The following SLC15A5 variants were observed in gnomAD, a reference collection of about 807,000 sequenced individuals.
SLC15A5 encodes solute carrier family 15 member 5.
SLC15A5 carries 58 observed loss-of-function variants against 56.1 expected under a neutral mutation model. That is an observed-to-expected ratio of 1.03 (90% CI 0.84 to 1.29). The LOEUF (loss-of-function observed/expected upper bound fraction) is 1.29, where lower values mean the gene tolerates loss of function less well. Ranked by LOEUF, SLC15A5 falls within the 50% of genes most tolerant of loss-of-function variation. The pLI is 0.00. For synonymous variants in SLC15A5, 264 were observed against 250.5 expected (o/e 1.05, Z -0.51); for missense variants, 681 against 672.1 (o/e 1.01, Z -0.15).
intron 2 of SLC15A5, among the ~76,000 whole-genome samples, chr12:16,270,439 A>C (rs979625520): frequency 6.6e-6 from 1 of 152,150 alleles, no homozygotes. Flanking sequence ...ACTGGAAGAC[A>C]TAGATTACAC....
chr12:16,189,357 C>A lies in SLC15A5; in HGVS notation c.*311G>T. On this transcript the variant is annotated 3_prime_UTR_variant, in exon 9 of 9. Coordinates refer to ENST00000344941, the MANE Select transcript of SLC15A5 (RefSeq NM_001170798.1). Reference sequence around the variant, plus strand: ...CTCCAAAAAAAAGGTCATACGCTTTCAATGGCTGAACCATTGTAGAAAGCT... The same window carrying A: ...CTCCAAAAAAAAGGTCATACGCTTTAAATGGCTGAACCATTGTAGAAAGCT... 5.5e-6 allele frequency: 1 copy of A among 182,682 alleles called. No homozygotes were observed. Among genetic ancestry groups the A allele is most frequent in the Non-Finnish European group, 1.1e-5 (1 of 88,740 alleles). The allele number at this position is 182,682 out of a possible 1,614,324, so 11.3% of individuals were successfully genotyped here. A position where few individuals can be genotyped will look rare whatever the true frequency, so the allele number is the denominator to read the frequency against.
intron 3 of SLC15A5, among the ~76,000 whole-genome samples, chr12:16,252,008 C>G (rs1417306624): frequency 3.3e-5 from 5 of 151,236 alleles, no homozygotes; most frequent in African/African-American, 9.7e-5. Flanking sequence ...AAAAATCAAT[C>G]AATGTATTAC....
At chr12:16,234,318 C>G (rs1864326716) in intron 5 of SLC15A5, among the ~76,000 whole-genome samples, 1 of 152,152 alleles carries the variant, frequency 6.6e-6, no homozygotes, top group African/African-American at 2.4e-5. Flanking sequence ...TTGGAGGGAA[C>G]AAAAACATAC....
chr12:16,241,298 A>G (rs1476217722), intron 4 of SLC15A5, among the ~76,000 whole-genome samples: 3 of 152,178 alleles, frequency 2.0e-5, no homozygotes, highest in Non-Finnish European at 2.9e-5. Flanking sequence ...TCGCTCAAAT[A>G]TCCAGATGAT....
chr12:16,197,232 T>G (rs901638933), intron 7 of SLC15A5, among the ~76,000 whole-genome samples: 1 of 152,146 alleles, frequency 6.6e-6, no homozygotes, highest in African/African-American at 2.4e-5. Flanking sequence ...GTCCCACATT[T>G]TTTCCATATT....
At chr12:16,248,276 C>T (rs1244646333) in intron 3 of SLC15A5, among the ~76,000 whole-genome samples, 1 of 151,994 alleles carries the variant, frequency 6.6e-6, no homozygotes, top group Non-Finnish European at 1.5e-5. Flanking sequence ...GTCAATATAA[C>T]ATTGAGTGGT....
At chr12:16,220,685 G>C (rs1180456987) in intron 6 of SLC15A5, among the ~76,000 whole-genome samples, 2 of 152,084 alleles carry the variant, frequency 1.3e-5, no homozygotes, top group African/African-American at 4.8e-5. Context: ...ACCATGTGTT[G>C]GATCAATAAC....
At chr12:16,252,687 G>T (rs1350377343) in intron 3 of SLC15A5, among the ~76,000 whole-genome samples, 2 of 152,054 alleles carry the variant, frequency 1.3e-5, no homozygotes, top group Non-Finnish European at 2.9e-5. Flanking sequence ...TCCTGAGCTT[G>T]TGAATTGGAA....
chr12:16,277,237 G>C (rs1864829287), intron 1 of SLC15A5, 88 bp downstream of exon 1: 1 of 1,234,444 alleles, frequency 8.1e-7, no homozygotes, highest in Non-Finnish European at 1.1e-6. Context: ...TATGCTAAGA[G>C]CAGAGTGAAA....
rs368540807 is a variant in SLC15A5 at position 16,224,371 on chromosome 12, G to A, written c.1351+43C>T. On this transcript the variant is annotated intron_variant, in intron 6 of 8. Transcript: ENST00000344941. ...GTTGAGGTGATGTGTTCTGTGTAAA[G>A]GTTCAGTATGTTCTAACATTAGTTG... The A allele has an allele frequency of 7.3e-6, 11 of 1,516,644 alleles. No homozygotes were observed. In the African/African-American group the frequency reaches 8.3e-5, roughly 11 times the overall value. 93.9% of individuals were successfully genotyped at this position (1,516,644 alleles called of 1,614,324 possible). A position where few individuals can be genotyped will look rare whatever the true frequency, so the allele number is the denominator to read the frequency against.
intron 7 of SLC15A5, among the ~76,000 whole-genome samples, chr12:16,204,480 A>T (rs10846308): frequency 1.3e-5 from 2 of 150,512 alleles, no homozygotes; most frequent in Non-Finnish European, 2.9e-5. Context: ...TGTGAAATTC[A>T]TCTAGAAGTA....
chr12:16,240,040 T>C lies in SLC15A5; in HGVS notation c.976-173A>G, dbSNP rs572622330. On this transcript the variant is annotated intron_variant, in intron 4 of 8. Coordinates refer to ENST00000344941, the MANE Select transcript of SLC15A5 (RefSeq NM_001170798.1). Reference sequence around the variant, plus strand: ...GATAAAGGGTCTTCATCTGTGGTGGTAGGAGCTCTGTCTAGTCTATTGACA... The same window carrying C: ...GATAAAGGGTCTTCATCTGTGGTGGCAGGAGCTCTGTCTAGTCTATTGACA... Among the ~76,000 whole-genome samples the C allele has an allele frequency of 4.6e-5, 7 of 152,322 alleles. No homozygotes were observed. The East Asian group carries it at 1.4e-3, about 29-fold the overall frequency.
intron 7 of SLC15A5, among the ~76,000 whole-genome samples, chr12:16,204,175 T>C (rs1017473167): frequency 5.3e-5 from 8 of 151,964 alleles, no homozygotes; most frequent in African/African-American, 1.9e-4. Context: ...AGGATTGGGG[T>C]CTGGGTGCAG....
intron 6 of SLC15A5, 23 bp downstream of exon 6, chr12:16,224,391 T>G (rs1864218015): frequency 6.5e-7 from 1 of 1,534,530 alleles, no homozygotes; most frequent in East Asian, 2.4e-5. Context: ...GTTCTAACAT[T>G]AGTTGAAAAG....
In SLC15A5 at chr12:16,188,895, A is replaced by G. The variant is rs959145030; in HGVS notation, c.*773T>C. 1.3e-5 allele frequency: 2 copies of G among 152,224 alleles called. No homozygotes were observed. The highest frequency in any genetic ancestry group is 4.8e-5 in the African/African-American group (2 of 41,464). The allele number at this position is 152,224 out of a possible 1,614,324, so 9.4% of individuals were successfully genotyped here. A position where few individuals can be genotyped will look rare whatever the true frequency, so the allele number is the denominator to read the frequency against. ...TCTTAGAAGATAATTTTCTGAATGCATCTGAATTGGCAGTGGAGACCGAAA... is the reference window on the plus strand; with the variant it reads ...TCTTAGAAGATAATTTTCTGAATGCGTCTGAATTGGCAGTGGAGACCGAAA... On this transcript the variant is annotated 3_prime_UTR_variant, in exon 9 of 9. Coordinates refer to ENST00000344941, the MANE Select transcript of SLC15A5 (RefSeq NM_001170798.1).
intron 2 of SLC15A5, among the ~76,000 whole-genome samples, chr12:16,260,504 GTTTCT>G: frequency 6.6e-6 from 1 of 150,924 alleles, no homozygotes; most frequent in Non-Finnish European, 1.5e-5. Flanking sequence ...TTATTGGGTA[GTTTCT>G]TTTCCTATCA....
intron 7 of SLC15A5, among the ~76,000 whole-genome samples, chr12:16,211,564 C>T (rs1030093254): frequency 2.0e-5 from 3 of 152,152 alleles, no homozygotes; most frequent in African/African-American, 7.2e-5. Flanking sequence ...ACTAAGATGT[C>T]ATTTTTTACT....
intron 2 of SLC15A5, among the ~76,000 whole-genome samples, chr12:16,270,780 G>T (rs1365491907): frequency 6.6e-6 from 1 of 152,100 alleles, no homozygotes; most frequent in Non-Finnish European, 1.5e-5. Flanking sequence ...CTTGTCACCA[G>T]CCCCCGCACT....
intron 3 of SLC15A5, among the ~76,000 whole-genome samples, chr12:16,252,911 T>G (rs1050933377): frequency 6.6e-6 from 1 of 152,016 alleles, no homozygotes; most frequent in Admixed American, 6.6e-5. Flanking sequence ...TAACAGCAAT[T>G]AAGAGTACAA....
Sources: gnomAD v4.1 joint callset for allele counts (sites outside exome capture counted in the v4.1 genomes callset) on GRCh38, gnomAD v4.1.1 for gene constraint, MANE v1.5 for transcripts, NCBI Gene and HGNC (gene_info 2026-07-23, HGNC 2026-07-21) for gene names.